MCC: variants seen among roughly 807,000 people sequenced by gnomAD.
MCC encodes colorectal mutant cancer protein.
Under a neutral mutation model 116.2 loss-of-function variants are expected in MCC, and 90 were observed. That is an observed-to-expected ratio of 0.77 (90% confidence interval 0.65 to 0.92). The LOEUF is 0.92. Ranked by LOEUF, MCC falls within the 40% of genes least tolerant of loss-of-function variation. MCC has a pLI of 0.00. For missense variants in MCC, 1,516 were observed against 1,312.2 expected, an observed-to-expected ratio of 1.16 and a Z score of -2.40; for synonymous variants, 578 against 510.5, an observed-to-expected ratio of 1.13 and a Z score of -1.78.
At chr5:113,098,419 C>A (rs991279360) in intron 8 of MCC, among the ~76,000 whole-genome samples, 4 of 152,174 alleles carry the variant, frequency 2.6e-5, no homozygotes, top group African/African-American at 7.2e-5. Context: ...CTGTCTGGCA[C>A]AGAGATGACC....
intron 5 of MCC, among the ~76,000 whole-genome samples, chr5:113,133,508 T>C (rs1335610496): frequency 6.6e-6 from 1 of 152,166 alleles, no homozygotes; most frequent in East Asian, 1.9e-4. Flanking sequence ...CTATTGTGTG[T>C]ATCTTCATCT....
rs375360986 is a variant in MCC, at chr5:113,189,425, T to C, written c.628-38003A>G. 1.6e-4 allele frequency among the ~76,000 whole-genome samples: 24 copies of C among 152,342 alleles called. No individual in the cohort carries two copies. In the South Asian group the frequency reaches 4.6e-3, roughly 29 times the overall value. On this transcript the variant is annotated intron_variant, in intron 3 of 18. Coordinates refer to ENST00000408903, the MANE Select transcript of MCC (RefSeq NM_001085377.2). Reference sequence around the variant, plus strand: ...AGATGATCAAAGCAGAGATTGACCATGCTGGTCTGCAAAAGTATGCCCTTT... The same window carrying C: ...AGATGATCAAAGCAGAGATTGACCACGCTGGTCTGCAAAAGTATGCCCTTT...
Position 113,434,519 on chromosome 5 carries a change from G to A in MCC, c.171-49307C>T, listed in dbSNP as rs1770784790. The A allele has an allele frequency of 2.5e-6, 4 of 1,612,674 alleles. No homozygotes were observed. On this transcript the variant is annotated intron_variant, in intron 1 of 18. Transcript: ENST00000408903. This position sits in a 1 kb window ranked among gnomAD's most constrained non-coding sequence, Gnocchi z 4.2. ...TCTTGCGAGCTTCGTCCTCATGCAGGGCTCCCCGGGTTTTGATTAACTCGA... is the reference window on the plus strand; with the variant it reads ...TCTTGCGAGCTTCGTCCTCATGCAGAGCTCCCCGGGTTTTGATTAACTCGA...
At chr5:113,252,578 A>ATTAT (rs371560048) in intron 3 of MCC, among the ~76,000 whole-genome samples, 2,125 of 152,284 alleles carry the variant, frequency 0.014, 57 homozygotes, top group African/African-American at 0.048. Flanking sequence ...GAGTTGTGTA[A>ATTAT]TTATTTCATT....
At chr5:113,302,218 T>G (rs964906715) in intron 3 of MCC, among the ~76,000 whole-genome samples, 1 of 152,204 alleles carries the variant, frequency 6.6e-6, no homozygotes, top group Non-Finnish European at 1.5e-5. Context: ...CAGAGCCACC[T>G]TAGCAGTTTT....
chr5:113,276,805 A>AT (rs35658846), intron 3 of MCC, among the ~76,000 whole-genome samples: 18,476 of 129,020 alleles, frequency 0.14, 1,714 homozygotes, highest in Non-Finnish European at 0.21. Flanking sequence ...TTTTCTTCTT[A>AT]TTTTTTTTTT....
chr5:113,103,875 T>G (rs1756574798), intron 7 of MCC, among the ~76,000 whole-genome samples: 2 of 152,186 alleles, frequency 1.3e-5, no homozygotes, highest in Non-Finnish European at 2.9e-5. Flanking sequence ...ACTTACAGCT[T>G]ACGAGTGGCT....
At chr5:113,230,558 C>G (rs1763904145) in intron 3 of MCC, among the ~76,000 whole-genome samples, 1 of 152,188 alleles carries the variant, frequency 6.6e-6, no homozygotes, top group African/African-American at 2.4e-5. Flanking sequence ...TTCACACTGA[C>G]TTTTCAATTC....
At chr5:113,133,403 T>G (rs2150278972) in intron 5 of MCC, among the ~76,000 whole-genome samples, 2 of 152,296 alleles carry the variant, frequency 1.3e-5, no homozygotes, top group Middle Eastern at 6.8e-3. Context: ...CTTTTTGTGC[T>G]TTCTGGCTTT....
intron 5 of MCC, among the ~76,000 whole-genome samples, chr5:113,126,595 T>G (rs141470300): frequency 1.3e-5 from 2 of 152,260 alleles, no homozygotes; most frequent in African/African-American, 4.8e-5. Flanking sequence ...AAAAACAAAC[T>G]TTTTTTAAGG....
intron 3 of MCC, among the ~76,000 whole-genome samples, chr5:113,305,781 C>T (rs1728020935): frequency 6.6e-6 from 1 of 152,194 alleles, no homozygotes; most frequent in African/African-American, 2.4e-5. Flanking sequence ...ATTCACATAT[C>T]ATAAAATTTA....
rs149235089 is a variant in MCC at position 113,192,675 on chromosome 5, G to C, written c.628-41253C>G. ...ACCTCCTTTTCCATAAGTTTGTAAG[G>C]ACTAAGAGATGATACATGCAAAGCA... On this transcript the variant is annotated intron_variant, in intron 3 of 18. Transcript: ENST00000408903. 1.8e-3 allele frequency among the ~76,000 whole-genome samples: 274 copies of C among 152,224 alleles called. 1 individual carries two copies. Among genetic ancestry groups the C allele is most frequent in the African/African-American group, 6.3e-3 (261 of 41,524 alleles).
chr5:113,257,033 T>C (rs1327021704), intron 3 of MCC, among the ~76,000 whole-genome samples: 1 of 152,184 alleles, frequency 6.6e-6, no homozygotes, highest in Non-Finnish European at 1.5e-5. Flanking sequence ...TTCCATTACA[T>C]CTCGTTGCAC....
chr5:113,388,198 TA>T (rs1769317194), intron 1 of MCC, among the ~76,000 whole-genome samples: 1 of 152,192 alleles, frequency 6.6e-6, no homozygotes, highest in Non-Finnish European at 1.5e-5. Context: ...GAGAGGCTGA[TA>T]TAAAAGATCA....
chr5:113,241,180 G>A (rs140168016), intron 3 of MCC, among the ~76,000 whole-genome samples: 15 of 152,324 alleles, frequency 9.8e-5, no homozygotes, highest in African/African-American at 3.4e-4. Flanking sequence ...TCTTTTCTTA[G>A]GAGTATAACG....
intron 6 of MCC, among the ~76,000 whole-genome samples, chr5:113,109,245 C>G (rs1331985814): frequency 6.6e-6 from 1 of 152,032 alleles, no homozygotes; most frequent in South Asian, 2.1e-4. Flanking sequence ...TTCACAGTAG[C>G]CAAAAGGTGG....
intron 3 of MCC, among the ~76,000 whole-genome samples, chr5:113,179,294 A>G (rs1761493205): frequency 6.6e-6 from 1 of 152,172 alleles, no homozygotes; most frequent in Non-Finnish European, 1.5e-5. Flanking sequence ...ACTCATGTTA[A>G]TGGTTCTGAC....
At chr5:113,045,266 G>A (rs955550709) in intron 16 of MCC, among the ~76,000 whole-genome samples, 3 of 152,142 alleles carry the variant, frequency 2.0e-5, no homozygotes, top group African/African-American at 7.2e-5. Flanking sequence ...ACGCAACTTG[G>A]ATAAGATTTG....
intron 1 of MCC, among the ~76,000 whole-genome samples, chr5:113,478,142 T>C (rs1158035155): frequency 1.3e-5 from 2 of 152,224 alleles, no homozygotes; most frequent in East Asian, 1.9e-4. Context: ...CCAACTCACA[T>C]AGTGGCAGAG....
Sources: allele counts gnomAD v4.1 joint callset (sites outside exome capture counted in the v4.1 genomes callset), GRCh38; gene constraint gnomAD v4.1.1; non-coding constraint Gnocchi (gnomAD v3.1); transcripts MANE v1.5; gene names NCBI Gene and HGNC (gene_info 2026-07-23, HGNC 2026-07-21).